Variants in ASIC4 observed in about 807,000 individuals in gnomAD.
The protein encoded by ASIC4 is acid sensing ion channel subunit family member 4.
ASIC4 carries 28 observed loss-of-function variants against 53.4 expected under a neutral mutation model. The ratio of observed to expected loss-of-function variants is 0.52; its 90% confidence interval spans 0.39 to 0.72. The LOEUF (loss-of-function observed/expected upper bound fraction) is 0.72. Among genes scored for constraint, ASIC4 ranks in the 30% least tolerant of loss-of-function variants. The pLI is 0.00. For missense variants in ASIC4, 649 were observed against 729.7 expected (o/e 0.89, Z 1.27); for synonymous variants, 289 against 301.4 (o/e 0.96, Z 0.43).
chr2:219,514,686 G>C lies in ASIC4; in HGVS notation c.-39G>C. ...AGGGCTGCTGGCTAGGGAGGGACAGGGCAGGGAGGCTCTGGCCAGTCCCAG... is the reference window on the plus strand; with the variant it reads ...AGGGCTGCTGGCTAGGGAGGGACAGCGCAGGGAGGCTCTGGCCAGTCCCAG... On this transcript the variant is annotated 5_prime_UTR_variant, in exon 1 of 10. Coordinates refer to ENST00000358078, the MANE Select transcript of ASIC4 (RefSeq NM_018674.6). 6.2e-7 allele frequency: 1 copy of C among 1,613,428 alleles called. No homozygotes were observed. Among genetic ancestry groups the C allele is most frequent in the Non-Finnish European group, 8.5e-7 (1 of 1,179,926 alleles).
In ASIC4 at chr2:219,535,340, T is replaced by G. The variant is rs13388954; in HGVS notation, c.1229+16T>G. The G allele has an allele frequency of 1.1e-3, 1,291 of 1,200,456 alleles. 7 individuals carry two copies. The highest frequency in any genetic ancestry group is 3.0e-3 in the Admixed American group (116 of 38,626). The allele number at this position is 1,200,456 out of a possible 1,614,324, so 74.4% of individuals were successfully genotyped here. On this transcript the variant is annotated intron_variant, in intron 6 of 9. Transcript: ENST00000358078. ...CCTACATACGGTATGTGTGTGTGTG[T>G]GTGGGGGGTGGCTGTGTGACTCTGT...
intron 1 of ASIC4, among the ~76,000 whole-genome samples, chr2:219,530,000 C>T (rs1695015843): frequency 6.6e-6 from 1 of 152,154 alleles, no homozygotes; most frequent in Non-Finnish European, 1.5e-5. Flanking sequence ...TCCACCCAGC[C>T]TCTCTCCCTT....
intron 1 of ASIC4, among the ~76,000 whole-genome samples, chr2:219,520,652 C>T (rs183415611): frequency 1.3e-5 from 2 of 152,318 alleles, no homozygotes; most frequent in Admixed American, 6.5e-5. Flanking sequence ...TCTTATCTAC[C>T]GCACAGGCTT....
In ASIC4 at chr2:219,531,874, G is replaced by C. The variant is rs1156538212; in HGVS notation, c.699G>C (p.Glu233Asp). Reference sequence around the variant, plus strand: ...AGATCATGCTGGACATCCAGCAGGAGGAGTACCTGCCCATCTGGAGGGAGA... The same window carrying C: ...AGATCATGCTGGACATCCAGCAGGACGAGTACCTGCCCATCTGGAGGGAGA... The part of the protein sequence containing the change: ...GLEIMLDIQQ[E>D]EYLPIWRETN... Residue 233 changes from glutamate (E) to aspartate (D), a missense_variant, in exon 2 of 10, where the codon GAG becomes GAC. By Grantham distance (45) the Glu-to-Asp change is conservative. Coordinates refer to ENST00000358078, the MANE Select transcript of ASIC4 (RefSeq NM_018674.6). 6.2e-7 allele frequency: 1 copy of C among 1,612,782 alleles called. No individual in the cohort carries two copies. Among genetic ancestry groups the C allele is most frequent in the Non-Finnish European group, 8.5e-7 (1 of 1,179,326 alleles).
chr2:219,537,050 C>T lies in ASIC4; in HGVS notation c.1230-16C>T. 1 of 1,611,974 alleles carries T rather than the reference C, an allele frequency of 6.2e-7. No homozygotes were observed. ...AAGAGAGGCCCACACGGATACCCTGCTTCCTGTCTCCACAGGGAGAACTTC... is the reference window on the plus strand; with the variant it reads ...AAGAGAGGCCCACACGGATACCCTGTTTCCTGTCTCCACAGGGAGAACTTC... On this transcript the variant is annotated splice_polypyrimidine_tract_variant and intron_variant, in intron 6 of 9. Transcript: ENST00000358078. This position sits in a 1 kb window ranked among gnomAD's most constrained non-coding sequence, Gnocchi z 4.9.
Position 219,515,033 on chromosome 2 carries a change from C to T in ASIC4, c.309C>T (p.Pro103=), listed in dbSNP as rs146925695. 57 of 1,613,674 alleles carry T rather than the reference C, an allele frequency of 3.5e-5. No individual in the cohort carries two copies. In the African/African-American group the frequency reaches 5.6e-4, roughly 16 times the overall value. Residue 103 remains proline (P), a synonymous_variant, in exon 1 of 10, where the codon CCC becomes CCT. Transcript: ENST00000358078. ...GGCCTCACCTGGTGGCAATGGACCCCGCTGCCCCAGCCCCAGTGGCGGGCT... is the reference window on the plus strand; with the variant it reads ...GGCCTCACCTGGTGGCAATGGACCCTGCTGCCCCAGCCCCAGTGGCGGGCT... ...LTRPHLVAMD[P]AAPAPVAGFP... is the part of the protein sequence containing the mutation.
At chr2:219,522,566 C>A (rs1183466915) in intron 1 of ASIC4, among the ~76,000 whole-genome samples, 1 of 152,200 alleles carries the variant, frequency 6.6e-6, no homozygotes, top group Admixed American at 6.5e-5. Context: ...TCGTGCTGAT[C>A]ATGTCTCACT....
At chr2:219,513,101 G>C (rs554532001), upstream of ASIC4, among the ~76,000 whole-genome samples, 1 of 152,206 alleles carries the variant, frequency 6.6e-6, no homozygotes, top group African/African-American at 2.4e-5. Context: ...AGCAGCTGCC[G>C]TTTCCCTCAG....
rs1695151326 is a variant in ASIC4, at chr2:219,537,108, C to T, written c.1272C>T (p.Thr424=). 1 of 1,614,146 alleles carries T rather than the reference C, an allele frequency of 6.2e-7. No individual in the cohort carries two copies. Among genetic ancestry groups the T allele is most frequent in the South Asian group, 1.1e-5 (1 of 91,086 alleles). ...TAGATGTCTTCTTTGAGGCCCTGAC[C>T]TCTGAAGCCATGGAGCAGCGAGCAG... The part of the protein sequence containing the change: ...LVLDVFFEAL[T]SEAMEQRAAY... The change falls in exon 7 of 10, where the codon ACC becomes ACT. Residue 424 remains threonine, a synonymous_variant. Transcript: ENST00000358078. The surrounding 1 kb of genome is among the most constrained non-coding windows in gnomAD (Gnocchi z 4.9).
At position 219,531,784 on chromosome 2, in the gene ASIC4, C is replaced by T. The variant is rs1208395282; in HGVS notation, c.609C>T (p.Tyr203=). The change falls in exon 2 of 10, where the codon TAC becomes TAT. Residue 203 remains tyrosine, a synonymous_variant. Transcript: ENST00000358078. The part of the protein sequence containing the change: ...SVVYTRYGKC[Y]TFNADPRSSL... The stretch of plus-strand genomic sequence containing the variant: ...TCTATACTCGCTATGGGAAGTGTTA[C>T]ACCTTCAACGCGGACCCGCGGAGCT... 3 of 1,609,702 alleles carry T rather than the reference C, an allele frequency of 1.9e-6. No individual in the cohort carries two copies. The highest frequency in any genetic ancestry group is 2.7e-5 in the African/African-American group (2 of 74,822).
chr2:219,535,184 G>A lies in ASIC4; in HGVS notation c.1089G>A (p.Gly363=). The A allele has an allele frequency of 6.2e-7, 1 of 1,613,338 alleles. No individual in the cohort carries two copies. Among genetic ancestry groups the A allele is most frequent in the African/African-American group, 1.3e-5 (1 of 75,020 alleles). ...CADHTLDSLG[G]GPEGPCFCPT... is the part of the protein sequence containing the mutation. ...TCTGTGTTGCAGACTCCCTGGGTGG[G>A]GGCCCTGAGGGCCCGTGCTTCTGCC... The change falls in exon 6 of 10, where the codon GGG becomes GGA. Residue 363 remains glycine (G), a synonymous_variant. Transcript: ENST00000358078.
intron 4 of ASIC4, 105 bp downstream of exon 4, chr2:219,532,582 CAT>C (rs1695061155): frequency 7.1e-7 from 1 of 1,416,564 alleles, no homozygotes; most frequent in Admixed American, 2.1e-5. Context: ...ATGTATACAA[CAT>C]GTGTATGTGT....
intron 1 of ASIC4, among the ~76,000 whole-genome samples, chr2:219,519,553 C>CAATA (rs1388908037): frequency 1.3e-5 from 2 of 152,226 alleles, no homozygotes; most frequent in African/African-American, 4.8e-5. Flanking sequence ...TCAGTGCTGC[C>CAATA]AATAGAACAT....
At chr2:219,525,244 G>A (rs1028373129) in intron 1 of ASIC4, among the ~76,000 whole-genome samples, 19 of 152,284 alleles carry the variant, frequency 1.2e-4, no homozygotes, top group East Asian at 1.9e-4. Context: ...ACTGGTGCAC[G>A]TATATGACTG....
rs761108415 is a variant in ASIC4, at chr2:219,531,768, G to T, written c.593G>T (p.Arg198Leu). ...CACCCCACCTCCCAGGTCTATACTC[G>T]CTATGGGAAGTGTTACACCTTCAAC... ...SASNFSVVYT[R>L]YGKCYTFNAD... The change falls in exon 2 of 10, where the codon CGC becomes CTC. Residue 198 changes from arginine (R) to leucine (L), a missense_variant. Coordinates refer to ENST00000358078, the MANE Select transcript of ASIC4 (RefSeq NM_018674.6). The T allele has an allele frequency of 6.3e-7, 1 of 1,599,992 alleles. No individual in the cohort carries two copies. Among genetic ancestry groups the T allele is most frequent in the East Asian group, 2.2e-5 (1 of 44,726 alleles).
At chr2:219,527,321 G>A (rs1694976071) in intron 1 of ASIC4, among the ~76,000 whole-genome samples, 1 of 152,242 alleles carries the variant, frequency 6.6e-6, no homozygotes. Context: ...GTTCCCTGCA[G>A]AGTATCCCTG....
chr2:219,509,635 G>A (rs1348109596), upstream of ASIC4, among the ~76,000 whole-genome samples: 1 of 152,086 alleles, frequency 6.6e-6, no homozygotes, highest in East Asian at 1.9e-4. This position sits in a 1 kb window ranked among gnomAD's most constrained non-coding sequence, Gnocchi z 5.2. Context: ...CACACCCCAA[G>A]TACATCCTGG....
intron 1 of ASIC4, among the ~76,000 whole-genome samples, chr2:219,521,260 G>A (rs1034168603): frequency 4.6e-5 from 7 of 152,182 alleles, no homozygotes; most frequent in East Asian, 1.9e-4. Context: ...CAGCAGCCCC[G>A]TGGCCTCTTC....
intron 1 of ASIC4, among the ~76,000 whole-genome samples, chr2:219,526,451 G>A (rs1545970): frequency 0.32 from 49,304 of 152,028 alleles, 9,566 homozygotes; most frequent in African/African-American, 0.55. Flanking sequence ...AGGATAGAGA[G>A]TGCAGTGGGC....
Sources: allele counts gnomAD v4.1 joint callset (sites outside exome capture counted in the v4.1 genomes callset), GRCh38; gene constraint gnomAD v4.1.1; non-coding constraint Gnocchi (gnomAD v3.1); transcripts MANE v1.5; gene names NCBI Gene and HGNC (gene_info 2026-07-23, HGNC 2026-07-21).